The following HACE1 variants were observed in gnomAD, a reference collection of about 807,000 sequenced individuals.
HACE1 encodes the protein HECT domain and ankyrin repeat containing E3 ubiquitin protein ligase 1.
In HACE1, 73 loss-of-function variants were observed where a neutral mutation model predicts 118.4. The ratio of observed to expected loss-of-function variants is 0.62; its 90% confidence interval spans 0.51 to 0.75. HACE1 has a LOEUF of 0.75. Among genes scored for constraint, HACE1 ranks in the 30% least tolerant of loss-of-function variants. The pLI, the probability that HACE1 is intolerant of heterozygous loss-of-function variation, is 0.00. For synonymous variants in HACE1, 368 were observed against 374.8 expected (o/e 0.98, Z 0.21); for missense variants, 749 against 1,102.2 (o/e 0.68, Z 4.54).
At chr6:104,854,305 A>C (rs1477838667) in intron 1 of HACE1, among the ~76,000 whole-genome samples, 1 of 152,212 alleles carries the variant, frequency 6.6e-6, no homozygotes, top group Non-Finnish European at 1.5e-5. Flanking sequence ...TCCGTAAATG[A>C]CATTAGTGGG....
At position 104,728,864 on chromosome 6, in the gene HACE1, T is replaced by C. The variant is rs1774912743; in HGVS notation, c.*798A>G. On this transcript the variant is annotated 3_prime_UTR_variant, in exon 24 of 24. Coordinates refer to ENST00000262903, the MANE Select transcript of HACE1 (RefSeq NM_020771.4). ...ACATATTTAAATTATAATTTGCACATCAGATTACTTTTTCAGATGTGTCAG... is the reference window on the plus strand; with the variant it reads ...ACATATTTAAATTATAATTTGCACACCAGATTACTTTTTCAGATGTGTCAG... 1 of 152,526 alleles carries C rather than the reference T, an allele frequency of 6.6e-6. No homozygotes were observed. The highest frequency in any genetic ancestry group is 1.5e-5 in the Non-Finnish European group (1 of 68,002). The allele number at this position is 152,526 out of a possible 1,614,324, so 9.4% of individuals were successfully genotyped here. A position where few individuals can be genotyped will look rare whatever the true frequency, so the allele number is the denominator to read the frequency against.
intron 18 of HACE1, among the ~76,000 whole-genome samples, 173 bp downstream of exon 18, chr6:104,771,752 A>G (rs1163162996): frequency 1.3e-5 from 2 of 152,052 alleles, no homozygotes; most frequent in African/African-American, 2.4e-5. Flanking sequence ...TTGGAAAAAA[A>G]AAAGGTAGGT....
At position 104,764,062 on chromosome 6, in the gene HACE1, A is replaced by C. The variant is rs117667670; in HGVS notation, c.2211+7131T>G. 2.3e-3 allele frequency among the ~76,000 whole-genome samples: 351 copies of C among 151,972 alleles called. 8 individuals carry two copies. The East Asian group carries it at 0.049, about 21-fold the overall frequency. Reference sequence around the variant, plus strand: ...ATTTTATCTCAAACAAACAAACAAAAAAAAAGTACTGCACACTTTTTATTT... The same window carrying C: ...ATTTTATCTCAAACAAACAAACAAACAAAAAGTACTGCACACTTTTTATTT... On this transcript the variant is annotated intron_variant, in intron 19 of 23. Coordinates refer to ENST00000262903, the MANE Select transcript of HACE1 (RefSeq NM_020771.4).
chr6:104,811,871 A>G (rs1254125898), intron 6 of HACE1, among the ~76,000 whole-genome samples: 1 of 151,438 alleles, frequency 6.6e-6, no homozygotes, highest in Non-Finnish European at 1.5e-5. Flanking sequence ...AAGCACCAGA[A>G]TAATAACTTT....
intron 6 of HACE1, among the ~76,000 whole-genome samples, chr6:104,811,711 T>C (rs957030996): frequency 6.6e-6 from 1 of 152,146 alleles, no homozygotes; most frequent in South Asian, 2.1e-4. Context: ...ATGTGGCTAG[T>C]ACAGCTAAGG....
At chr6:104,858,078 G>A (rs1562526398) in intron 1 of HACE1, among the ~76,000 whole-genome samples, 1 of 152,058 alleles carries the variant, frequency 6.6e-6, no homozygotes, top group African/African-American at 2.4e-5. Context: ...TAACTGGATG[G>A]TGAAATGACA....
At chr6:104,802,594 C>A (rs969821253) in intron 7 of HACE1, among the ~76,000 whole-genome samples, 1 of 152,178 alleles carries the variant, frequency 6.6e-6, no homozygotes. Flanking sequence ...GGAAACTGAA[C>A]AACCTGCTCC....
intron 11 of HACE1, among the ~76,000 whole-genome samples, chr6:104,789,992 C>A (rs900156003): frequency 2.0e-5 from 3 of 151,416 alleles, no homozygotes; most frequent in African/African-American, 7.3e-5. Flanking sequence ...AACTAGAGCT[C>A]AAGGAAGTGG....
chr6:104,823,922 C>A (rs1378948608), intron 6 of HACE1, among the ~76,000 whole-genome samples: 1 of 152,114 alleles, frequency 6.6e-6, no homozygotes, highest in Admixed American at 6.6e-5. Context: ...AAGAAACTCT[C>A]CAGTCATTTC....
In HACE1 at chr6:104,740,022, A is replaced by G. The variant is rs879586124; in HGVS notation, c.2513+4138T>C. On this transcript the variant is annotated intron_variant, in intron 22 of 23. Transcript: ENST00000262903. ...CTCAGGATTAAGAAACTCACTCAAAACCACTCAACTACATGGAAACTGAAC... is the reference window on the plus strand; with the variant it reads ...CTCAGGATTAAGAAACTCACTCAAAGCCACTCAACTACATGGAAACTGAAC... 7.3e-3 allele frequency among the ~76,000 whole-genome samples: 1,106 copies of G among 151,986 alleles called. 5 individuals are homozygous for G. Among genetic ancestry groups the G allele is most frequent in the Non-Finnish European group, 0.012 (795 of 67,932 alleles).
rs78494967 is a variant in HACE1, at chr6:104,788,844, A to G, written c.1074+2660T>C. Reference sequence around the variant, plus strand: ...CTATGTGTTAAGACTAACTTGAAGAACTTCTAAAATAAATCAGAAAACTAA... The same window carrying G: ...CTATGTGTTAAGACTAACTTGAAGAGCTTCTAAAATAAATCAGAAAACTAA... On this transcript the variant is annotated intron_variant, in intron 11 of 23. Transcript: ENST00000262903. 1.5e-3 allele frequency among the ~76,000 whole-genome samples: 234 copies of G among 152,280 alleles called. 6 individuals are homozygous for G. In the East Asian group the frequency reaches 0.042, roughly 27 times the overall value.
Position 104,761,571 on chromosome 6 carries a change from G to A in HACE1, c.2211+9622C>T, listed in dbSNP as rs1030706148. 5.1e-4 allele frequency among the ~76,000 whole-genome samples: 78 copies of A among 152,208 alleles called. 2 individuals are homozygous for A. The highest frequency in any genetic ancestry group is 5.9e-4 in the Admixed American group (9 of 15,292). On this transcript the variant is annotated intron_variant, in intron 19 of 23. Transcript: ENST00000262903. ...CTCAAGACGGATGAAAGACTTAAAC[G>A]TAAGACCTAGGACCATAAAAATCCT...
chr6:104,832,933 T>C, intron 6 of HACE1, 109 bp downstream of exon 6: 1 of 1,033,282 alleles, frequency 9.7e-7, no homozygotes, highest in Non-Finnish European at 1.5e-6. Flanking sequence ...GAAAATAAGA[T>C]TTTGCTATAA....
At chr6:104,807,119 A>G (rs1478300508) in intron 7 of HACE1, among the ~76,000 whole-genome samples, 1 of 149,200 alleles carries the variant, frequency 6.7e-6, no homozygotes, top group East Asian at 2.0e-4. Context: ...CGCCTTTCAG[A>G]TTCAAGTGAT....
At position 104,813,078 on chromosome 6, in the gene HACE1, C is replaced by A. The variant is rs1330345429; in HGVS notation, c.535-1685G>T. Among the ~76,000 whole-genome samples, 2 of 137,830 alleles carry A rather than the reference C, an allele frequency of 1.5e-5. 1 individual carries two copies. The highest frequency in any genetic ancestry group is 3.1e-5 in the Non-Finnish European group (2 of 64,300). The allele number at this position is 137,830 out of a possible 152,430, so 90.4% of individuals were successfully genotyped here. A position where few individuals can be genotyped will look rare whatever the true frequency, so the allele number is the denominator to read the frequency against. On this transcript the variant is annotated intron_variant, in intron 6 of 23. Coordinates refer to ENST00000262903, the MANE Select transcript of HACE1 (RefSeq NM_020771.4). Reference sequence around the variant, plus strand: ...AGCCTCCATGTTCCAACTAGGCTCCCAGAAATCCAGCAGGCAGGCTTAAAA... The same window carrying A: ...AGCCTCCATGTTCCAACTAGGCTCCAAGAAATCCAGCAGGCAGGCTTAAAA...
At chr6:104,811,290 T>C (rs1053748304) in intron 7 of HACE1, 21 bp downstream of exon 7, 12 of 780,776 alleles carry the variant, frequency 1.5e-5, no homozygotes, top group African/African-American at 8.2e-5. Flanking sequence ...ATATAGCATC[T>C]GGAAATATAA....
intron 7 of HACE1, among the ~76,000 whole-genome samples, chr6:104,798,898 G>A (rs1769987628): frequency 6.6e-6 from 1 of 152,144 alleles, no homozygotes; most frequent in Non-Finnish European, 1.5e-5. Context: ...TAATATCCAT[G>A]TGTCCAATTT....
chr6:104,762,050 C>G (rs1779416320), intron 19 of HACE1, among the ~76,000 whole-genome samples: 1 of 152,182 alleles, frequency 6.6e-6, no homozygotes, highest in Non-Finnish European at 1.5e-5. Context: ...CAGGAAACAA[C>G]AGATGCTGGA....
chr6:104,767,216 G>T lies in HACE1; in HGVS notation c.2211+3977C>A, dbSNP rs79411253. Among the ~76,000 whole-genome samples the T allele has an allele frequency of 1.5e-3, 229 of 152,244 alleles. 6 individuals are homozygous for T. The East Asian group carries it at 0.041, about 27-fold the overall frequency. On this transcript the variant is annotated intron_variant, in intron 19 of 23. Coordinates refer to ENST00000262903, the MANE Select transcript of HACE1 (RefSeq NM_020771.4). ...ATTATCACTAAAAAACAGAATTAAT[G>T]ATAATGAGGTTGATGAAGAGTATGA...
Sources: allele counts gnomAD v4.1 joint callset (sites outside exome capture counted in the v4.1 genomes callset), GRCh38; gene constraint gnomAD v4.1.1; transcripts MANE v1.5; gene names NCBI Gene and HGNC (gene_info 2026-07-23, HGNC 2026-07-21).